Variants in TDRD3 observed in about 807,000 individuals in gnomAD.
The protein encoded by TDRD3 is tudor domain-containing protein 3.
A neutral mutation model predicts 86.7 loss-of-function variants in TDRD3; 45 were observed. The observed-to-expected ratio is 0.52, with a 90% CI of 0.41 to 0.67. TDRD3 has a LOEUF of 0.67. TDRD3 is among the 30% of genes least tolerant of loss of function. The pLI is 0.00. For missense variants in TDRD3, 814 were observed against 889.0 expected, an observed-to-expected ratio of 0.92 and a Z score of 1.07; for synonymous variants, 298 against 301.7, an observed-to-expected ratio of 0.99 and a Z score of 0.13.
intron 12 of TDRD3, among the ~76,000 whole-genome samples, chr13:60,544,885 CA>C (rs2137868389): frequency 6.6e-6 from 1 of 152,116 alleles, no homozygotes; most frequent in East Asian, 1.9e-4. Flanking sequence ...TTGATAGTAT[CA>C]GAATTTTAAG....
intron 8 of TDRD3, among the ~76,000 whole-genome samples, chr13:60,500,644 G>A (rs767161683): frequency 1.3e-5 from 2 of 152,206 alleles, no homozygotes; most frequent in Admixed American, 6.5e-5. Flanking sequence ...GAGAAATGGC[G>A]AAATGTGCGA....
At chr13:60,543,071 C>T (rs1274204342) in intron 12 of TDRD3, among the ~76,000 whole-genome samples, 2 of 152,138 alleles carry the variant, frequency 1.3e-5, no homozygotes, top group East Asian at 3.9e-4. Flanking sequence ...TACATTTTGG[C>T]TTGAAATAAC....
chr13:60,398,331 A>T (rs1412182913), intron 1 of TDRD3, among the ~76,000 whole-genome samples: 1 of 152,108 alleles, frequency 6.6e-6, no homozygotes, highest in African/African-American at 2.4e-5. Flanking sequence ...ATAGTGATAA[A>T]CCGTACGTAC....
intron 8 of TDRD3, among the ~76,000 whole-genome samples, chr13:60,506,073 A>G (rs1956931204): frequency 6.6e-6 from 1 of 152,198 alleles, no homozygotes; most frequent in African/African-American, 2.4e-5. Context: ...CCCAAGACAC[A>G]TAATCATCAG....
chr13:60,426,886 C>T (rs761180115), intron 1 of TDRD3, among the ~76,000 whole-genome samples: 22 of 152,186 alleles, frequency 1.4e-4, no homozygotes, highest in African/African-American at 3.6e-4. Context: ...ATGGTATTGC[C>T]GACTACGCGC....
chr13:60,428,192 A>G (rs576949232), intron 1 of TDRD3, among the ~76,000 whole-genome samples: 2 of 150,744 alleles, frequency 1.3e-5, no homozygotes, highest in East Asian at 1.9e-4. Flanking sequence ...TCTCTCCTAT[A>G]AAAACACTTG....
chr13:60,458,734 A>G (rs1955735581), intron 3 of TDRD3, among the ~76,000 whole-genome samples: 1 of 152,168 alleles, frequency 6.6e-6, no homozygotes. Context: ...GGCTAGTACG[A>G]TTGAACAATT....
intron 10 of TDRD3, among the ~76,000 whole-genome samples, chr13:60,516,151 C>T (rs1486213480): frequency 2.0e-5 from 3 of 152,084 alleles, no homozygotes; most frequent in Non-Finnish European, 4.4e-5. Context: ...CATAATCAAA[C>T]CTTTCTTGCT....
At chr13:60,530,663 C>G (rs1466439315) in intron 11 of TDRD3, among the ~76,000 whole-genome samples, 3 of 150,936 alleles carry the variant, frequency 2.0e-5, no homozygotes, top group Non-Finnish European at 4.4e-5. Flanking sequence ...CCATGTTGGC[C>G]AGGCTGGTTT....
In TDRD3 at chr13:60,510,019, G is replaced by A. The variant is rs116156909; in HGVS notation, c.1015+100G>A. ...TTATTTCTGTGAGGGCTGTAATTTTGTTTAACATTATGGTAAGTGGAAGGA... is the reference window on the plus strand; with the variant it reads ...TTATTTCTGTGAGGGCTGTAATTTTATTTAACATTATGGTAAGTGGAAGGA... On this transcript the variant is annotated intron_variant, in intron 9 of 13. Coordinates refer to ENST00000377881, the MANE Select transcript of TDRD3 (RefSeq NM_001146070.2). The A allele has an allele frequency of 1.8e-3, 2,618 of 1,417,790 alleles. 32 individuals carry two copies. In the African/African-American group the frequency reaches 0.032, roughly 18 times the overall value. 87.8% of individuals were successfully genotyped at this position (1,417,790 alleles called of 1,614,324 possible).
chr13:60,535,028 A>G, intron 11 of TDRD3, 80 bp from the exon 12 acceptor site: 1 of 1,543,256 alleles, frequency 6.5e-7, no homozygotes. Context: ...GGAACACTTT[A>G]AAAATTTACA....
chr13:60,476,959 C>G (rs1382498458), intron 5 of TDRD3, among the ~76,000 whole-genome samples: 2 of 151,518 alleles, frequency 1.3e-5, no homozygotes, highest in African/African-American at 4.8e-5. Context: ...CTGGTGGAGT[C>G]TGTGGGGTTT....
chr13:60,431,900 G>A (rs182344917), intron 1 of TDRD3, among the ~76,000 whole-genome samples: 3 of 151,820 alleles, frequency 2.0e-5, no homozygotes, highest in East Asian at 3.9e-4. Flanking sequence ...TAAATAGTAC[G>A]TACCTTTATT....
chr13:60,447,736 C>T (rs1955436474), intron 3 of TDRD3, among the ~76,000 whole-genome samples: 1 of 152,128 alleles, frequency 6.6e-6, no homozygotes, highest in African/African-American at 2.4e-5. Flanking sequence ...ACTGTTTCTA[C>T]TAAGTTCCAA....
chr13:60,439,397 A>G (rs1020404305), intron 1 of TDRD3, among the ~76,000 whole-genome samples: 2 of 152,172 alleles, frequency 1.3e-5, no homozygotes, highest in African/African-American at 4.8e-5. Context: ...ATAATAGCAA[A>G]GAGCAGCTTA....
At chr13:60,531,540 A>G (rs1274333863) in intron 11 of TDRD3, among the ~76,000 whole-genome samples, 4 of 152,174 alleles carry the variant, frequency 2.6e-5, no homozygotes, top group African/African-American at 9.6e-5. Flanking sequence ...ACAAGAGCAG[A>G]AGTAAGAGAT....
At chr13:60,450,673 G>C (rs1476193515) in intron 3 of TDRD3, among the ~76,000 whole-genome samples, 1 of 152,086 alleles carries the variant, frequency 6.6e-6, no homozygotes, top group African/African-American at 2.4e-5. Context: ...GTGTATTTGT[G>C]CCAAGAGATA....
chr13:60,403,502 G>A (rs1954156076), intron 1 of TDRD3, among the ~76,000 whole-genome samples: 1 of 152,154 alleles, frequency 6.6e-6, no homozygotes. Context: ...TTTGGAAGAA[G>A]AATACTGAAT....
Position 60,510,999 on chromosome 13 carries a change from C to T in TDRD3, c.1141+244C>T, listed in dbSNP as rs117456345. On this transcript the variant is annotated intron_variant, in intron 10 of 13. Coordinates refer to ENST00000377881, the MANE Select transcript of TDRD3 (RefSeq NM_001146070.2). ...CCAAACCAGTTTTCCCAAATTTGCT[C>T]ATATCTAGATGACAGATATAACTGT... Among the ~76,000 whole-genome samples, 974 of 152,132 alleles carry T rather than the reference C, an allele frequency of 6.4e-3. 6 individuals carry two copies. The highest frequency in any genetic ancestry group is 0.01 in the Non-Finnish European group (688 of 67,980).
Sources: allele counts gnomAD v4.1 joint callset (sites outside exome capture counted in the v4.1 genomes callset), GRCh38; gene constraint gnomAD v4.1.1; transcripts MANE v1.5; gene names NCBI Gene and HGNC (gene_info 2026-07-23, HGNC 2026-07-21).